The following CHRM3 variants were observed in gnomAD, a reference collection of about 807,000 sequenced individuals.
The protein encoded by CHRM3 is cholinergic receptor muscarinic 3.
Under a neutral mutation model 41.8 loss-of-function variants are expected in CHRM3, and 11 were observed. That is an observed-to-expected ratio of 0.26 (90% CI 0.17 to 0.44). CHRM3 has a LOEUF of 0.44. Ranked by LOEUF, CHRM3 falls within the 20% of genes least tolerant of loss-of-function variation. CHRM3 has a pLI of 1.00. For synonymous variants in CHRM3, 297 were observed against 301.4 expected (o/e 0.99, Z 0.15); for missense variants, 571 against 745.4 (o/e 0.77, Z 2.72).
At chr1:239,809,791 G>C (rs1284028065) in intron 5 of CHRM3, among the ~76,000 whole-genome samples, 1 of 152,258 alleles carries the variant, frequency 6.6e-6, no homozygotes, top group East Asian at 1.9e-4. Flanking sequence ...GAGCCACCAT[G>C]CCTGGCCTAC....
intron 1 of CHRM3, among the ~76,000 whole-genome samples, chr1:239,481,694 T>G (rs143827118): frequency 1.3e-5 from 2 of 152,212 alleles, no homozygotes; most frequent in East Asian, 3.9e-4. Context: ...TAGAATAACA[T>G]GTAGTGTGGG....
chr1:239,629,639 G>A (rs548120551), intron 3 of CHRM3: 7 of 152,314 alleles, frequency 4.6e-5, no homozygotes, highest in Admixed American at 1.3e-4. Flanking sequence ...ACCAAAAAAT[G>A]TTTGTGACTT....
intron 1 of CHRM3, among the ~76,000 whole-genome samples, chr1:239,412,705 A>C (rs187781863): frequency 3.2e-4 from 48 of 152,186 alleles, no homozygotes; most frequent in Non-Finnish European, 2.9e-4. Context: ...ATGGTTTTAT[A>C]GGATAAATGA....
intron 5 of CHRM3, among the ~76,000 whole-genome samples, chr1:239,729,662 C>CT (rs1663777934): frequency 6.6e-6 from 1 of 151,854 alleles, no homozygotes; most frequent in Non-Finnish European, 1.5e-5. Flanking sequence ...ATTAATGTGA[C>CT]TTTTTTGTAT....
chr1:239,725,342 CA>C (rs1485658711), intron 5 of CHRM3, among the ~76,000 whole-genome samples: 1 of 151,804 alleles, frequency 6.6e-6, no homozygotes, highest in Non-Finnish European at 1.5e-5. Context: ...AATGAGTAAA[CA>C]GATCAGGTAA....
intron 1 of CHRM3, among the ~76,000 whole-genome samples, chr1:239,440,864 TA>T (rs1409108874): frequency 6.6e-6 from 1 of 152,184 alleles, no homozygotes; most frequent in African/African-American, 2.4e-5. Context: ...CCTGCAATAT[TA>T]GCCTAAATGT....
intron 5 of CHRM3, among the ~76,000 whole-genome samples, chr1:239,756,581 A>G (rs1666260883): frequency 6.6e-6 from 1 of 152,214 alleles, no homozygotes; most frequent in African/African-American, 2.4e-5. Flanking sequence ...TCTAATAAGG[A>G]GGAAAAATAT....
intron 5 of CHRM3, chr1:239,704,940 C>T (rs1186315279): frequency 1.3e-5 from 2 of 152,256 alleles, no homozygotes; most frequent in Non-Finnish European, 2.9e-5. Flanking sequence ...TGGGTTCACA[C>T]CCATAGTCCC....
At chr1:239,559,708 G>C (rs956374444) in intron 3 of CHRM3, among the ~76,000 whole-genome samples, 2 of 152,064 alleles carry the variant, frequency 1.3e-5, no homozygotes, top group Non-Finnish European at 2.9e-5. Flanking sequence ...ATTAGATGAT[G>C]GTGACAACCT....
intron 3 of CHRM3, among the ~76,000 whole-genome samples, chr1:239,607,719 T>G (rs1666506802): frequency 6.6e-6 from 1 of 152,192 alleles, no homozygotes; most frequent in Non-Finnish European, 1.5e-5. Flanking sequence ...ATATCACACA[T>G]TAATTTTGGA....
chr1:239,440,731 A>G (rs958101921), intron 1 of CHRM3, among the ~76,000 whole-genome samples: 2 of 152,234 alleles, frequency 1.3e-5, no homozygotes, highest in African/African-American at 4.8e-5. Flanking sequence ...TTTGTCAGAG[A>G]ACAGGTCTGA....
At chr1:239,871,912 A>C (rs1646951568) in intron 6 of CHRM3, among the ~76,000 whole-genome samples, 1 of 152,184 alleles carries the variant, frequency 6.6e-6, no homozygotes, top group South Asian at 2.1e-4. Context: ...AAGTTCTTCC[A>C]CCACAAACAT....
chr1:239,826,052 G>T (rs1672433164), intron 5 of CHRM3, among the ~76,000 whole-genome samples: 3 of 152,088 alleles, frequency 2.0e-5, no homozygotes, highest in African/African-American at 7.2e-5. Flanking sequence ...CTGGGAAGAG[G>T]GAAAATGCAG....
At chr1:239,891,737 G>C (rs548122788) in intron 6 of CHRM3, among the ~76,000 whole-genome samples, 1 of 152,130 alleles carries the variant, frequency 6.6e-6, no homozygotes, top group Non-Finnish European at 1.5e-5. Flanking sequence ...GTGAAGCAGA[G>C]GACACGAAAA....
At chr1:239,643,930 C>T (rs1435270052) in intron 4 of CHRM3, among the ~76,000 whole-genome samples, 3 of 152,178 alleles carry the variant, frequency 2.0e-5, no homozygotes, top group Non-Finnish European at 1.5e-5. Context: ...TGTTGATAGT[C>T]ACTATCTGTG....
Position 239,908,547 on chromosome 1 carries a change from T to G in CHRM3, c.1096T>G (p.Ser366Ala). 6.3e-7 allele frequency: 1 copy of G among 1,587,224 alleles called. No individual in the cohort carries two copies. Among genetic ancestry groups the G allele is most frequent in the Non-Finnish European group, 8.6e-7 (1 of 1,166,882 alleles). ...TGGCTCCGAGACGAGAGCCATCTAC[T>G]CCATCGTGCTCAAGCTTCCGGGTCA... ...DIGSETRAIY[S>A]IVLKLPGHST... The change falls in exon 7 of 7, where the codon TCC (serine) becomes GCC (alanine). Residue 366 changes from serine (S) to alanine (A), a missense_variant. Coordinates refer to ENST00000676153, the MANE Select transcript of CHRM3 (RefSeq NM_001375978.1). This position sits in a 1 kb window ranked among gnomAD's most constrained non-coding sequence, Gnocchi z 7.2.
chr1:239,595,870 C>T (rs755476477), intron 3 of CHRM3, among the ~76,000 whole-genome samples: 1 of 151,866 alleles, frequency 6.6e-6, no homozygotes, highest in Non-Finnish European at 1.5e-5. Flanking sequence ...ACAGATAGTC[C>T]CATAATTCTG....
chr1:239,766,672 T>TAGATATAG (rs1553385030), intron 5 of CHRM3, among the ~76,000 whole-genome samples: 1 of 145,564 alleles, frequency 6.9e-6, no homozygotes, highest in Admixed American at 6.8e-5. Flanking sequence ...TGGATATAGA[T>TAGATATAG]ATATAGATAT....
intron 2 of CHRM3, among the ~76,000 whole-genome samples, chr1:239,510,081 G>A (rs367919897): frequency 7.2e-5 from 11 of 152,084 alleles, no homozygotes; most frequent in South Asian, 2.1e-4. Context: ...ATAAGACTCC[G>A]TCACAAACAA....
Sources: gnomAD v4.1 joint callset for allele counts (sites outside exome capture counted in the v4.1 genomes callset) on GRCh38, gnomAD v4.1.1 for gene constraint, Gnocchi (gnomAD v3.1) non-coding constraint, MANE v1.5 for transcripts, NCBI Gene and HGNC (gene_info 2026-07-23, HGNC 2026-07-21) for gene names.